LOC128125817: variants seen among roughly 807,000 people sequenced by gnomAD.
At chr1:41,604,713 C>G in the LOC128125817 span, among the ~76,000 whole-genome samples, 1 of 152,130 alleles carries the variant, frequency 6.6e-6, no homozygotes, top group Admixed American at 6.5e-5. Context: ...TATAGATTAC[C>G]CAGCTTTAGT....
the LOC128125817 span, among the ~76,000 whole-genome samples, chr1:41,612,703 C>T: frequency 3.9e-5 from 6 of 152,160 alleles, no homozygotes; most frequent in African/African-American, 7.2e-5. Flanking sequence ...TGGACAAATA[C>T]GGTATCCTGA....
chr1:41,627,670 AAG>A, the LOC128125817 span, among the ~76,000 whole-genome samples: 1 of 152,136 alleles, frequency 6.6e-6, no homozygotes, highest in Non-Finnish European at 1.5e-5. Flanking sequence ...AGAGAAGCGA[AAG>A]AGTCACTGCT....
At chr1:41,608,248 G>A in the LOC128125817 span, among the ~76,000 whole-genome samples, 1 of 152,272 alleles carries the variant, frequency 6.6e-6, no homozygotes, top group African/African-American at 2.4e-5. Flanking sequence ...AATAACCGTG[G>A]ACAGGAAGTG....
At chr1:41,626,465 C>T in the LOC128125817 span, among the ~76,000 whole-genome samples, 1 of 152,204 alleles carries the variant, frequency 6.6e-6, no homozygotes, top group Non-Finnish European at 1.5e-5. Flanking sequence ...GCTGGCTGAG[C>T]CCACACGGAC....
the LOC128125817 span, among the ~76,000 whole-genome samples, chr1:41,618,195 G>A: frequency 6.6e-6 from 1 of 152,222 alleles, no homozygotes; most frequent in African/African-American, 2.4e-5. Flanking sequence ...TCCGCTGCGG[G>A]ATGGTGCCAG....
the LOC128125817 span, among the ~76,000 whole-genome samples, chr1:41,623,628 G>A: frequency 6.6e-6 from 1 of 152,176 alleles, no homozygotes; most frequent in Non-Finnish European, 1.5e-5. Context: ...GGTGGCCTGG[G>A]AGTCAGGACT....
chr1:41,597,910 T>C, the LOC128125817 span, among the ~76,000 whole-genome samples: 1 of 152,232 alleles, frequency 6.6e-6, no homozygotes, highest in Non-Finnish European at 1.5e-5. Context: ...CAGATGCTTG[T>C]AGCTAATTCA....
chr1:41,608,601 C>G, the LOC128125817 span, among the ~76,000 whole-genome samples: 1 of 152,186 alleles, frequency 6.6e-6, no homozygotes, highest in African/African-American at 2.4e-5. Context: ...ATGCTTGGCT[C>G]TTCTGAGACA....
chr1:41,607,736 T>C, the LOC128125817 span, among the ~76,000 whole-genome samples: 21 of 152,382 alleles, frequency 1.4e-4, no homozygotes, highest in African/African-American at 5.0e-4. Context: ...ATACAGGTTC[T>C]AGCTCCTATA....
At chr1:41,619,822 G>A in the LOC128125817 span, among the ~76,000 whole-genome samples, 14 of 152,126 alleles carry the variant, frequency 9.2e-5, no homozygotes, top group African/African-American at 1.2e-4. Flanking sequence ...AACCAGCCCC[G>A]GTAGAGCAGC....
At chr1:41,587,205 T>C in the LOC128125817 span, among the ~76,000 whole-genome samples, 452 of 152,300 alleles carry the variant, frequency 3.0e-3, 6 homozygotes, top group African/African-American at 1.0e-2. Flanking sequence ...CCTCTGGTCA[T>C]TGAATACAGT....
the LOC128125817 span, among the ~76,000 whole-genome samples, chr1:41,591,557 A>G: frequency 1.3e-5 from 2 of 152,046 alleles, no homozygotes; most frequent in Admixed American, 1.3e-4. Flanking sequence ...GATGAAAATC[A>G]TCACGATCCT....
chr1:41,609,771 C>A, the LOC128125817 span, among the ~76,000 whole-genome samples: 1 of 152,242 alleles, frequency 6.6e-6, no homozygotes, highest in African/African-American at 2.4e-5. Context: ...CCCTTTCCCT[C>A]CTAGACATGT....
At chr1:41,600,546 A>C in the LOC128125817 span, among the ~76,000 whole-genome samples, 1 of 152,194 alleles carries the variant, frequency 6.6e-6, no homozygotes, top group South Asian at 2.1e-4. Context: ...TGGTTGCCAG[A>C]GGCTGTGGGA....
At chr1:41,596,376 A>G in the LOC128125817 span, among the ~76,000 whole-genome samples, 1 of 152,106 alleles carries the variant, frequency 6.6e-6, no homozygotes, top group African/African-American at 2.4e-5. Context: ...CACAACCTAG[A>G]GTCCATAGAT....
chr1:41,627,734 C>G, the LOC128125817 span, among the ~76,000 whole-genome samples: 1 of 152,182 alleles, frequency 6.6e-6, no homozygotes, highest in African/African-American at 2.4e-5. Context: ...GCTGGGCCCA[C>G]AGACCCAAAC....
the LOC128125817 span, among the ~76,000 whole-genome samples, chr1:41,619,585 G>GACCT: frequency 6.6e-6 from 1 of 152,150 alleles, no homozygotes; most frequent in Non-Finnish European, 1.5e-5. Flanking sequence ...AGGTAAGGAT[G>GACCT]ACCTACCTCT....
the LOC128125817 span, among the ~76,000 whole-genome samples, chr1:41,601,813 T>G: frequency 2.6e-5 from 4 of 152,186 alleles, no homozygotes; most frequent in African/African-American, 7.2e-5. Context: ...GCCCTTAGCT[T>G]CTTCCTGATT....
At chr1:41,621,399 C>T in the LOC128125817 span, among the ~76,000 whole-genome samples, 2 of 152,246 alleles carry the variant, frequency 1.3e-5, no homozygotes, top group Non-Finnish European at 2.9e-5. Context: ...AAACTTCGCC[C>T]TGCTTTCCAG....
Sources: allele counts gnomAD v4.1 joint callset (sites outside exome capture counted in the v4.1 genomes callset), GRCh38; gene constraint gnomAD v4.1.1; transcripts MANE v1.5.